The following SLC12A4 variants were observed in gnomAD, a reference collection of about 807,000 sequenced individuals.
SLC12A4 encodes electroneutral potassium-chloride cotransporter 1.
SLC12A4 carries 84 observed loss-of-function variants against 119.2 expected under a neutral mutation model. The observed-to-expected ratio is 0.70, with a 90% confidence interval of 0.59 to 0.85. The LOEUF is 0.85. Ranked by LOEUF, SLC12A4 falls within the 40% of genes least tolerant of loss-of-function variation. SLC12A4 has a pLI of 0.00. For synonymous variants in SLC12A4, 599 were observed against 604.6 expected (o/e 0.99, Z 0.14); for missense variants, 1,298 against 1,476.3 (o/e 0.88, Z 1.98).
chr16:67,958,998 T>A (rs2151335260), intron 3 of SLC12A4, among the ~76,000 whole-genome samples: 1 of 152,214 alleles, frequency 6.6e-6, no homozygotes, highest in East Asian at 1.9e-4. Flanking sequence ...GCTTGGCTTG[T>A]TTATGGTTCT....
At position 67,950,735 on chromosome 16, in the gene SLC12A4, C is replaced by T. The variant is rs200408868; in HGVS notation, c.1397-24G>A. 1.9e-5 allele frequency: 31 copies of T among 1,591,772 alleles called. No homozygotes were observed. The highest frequency in any genetic ancestry group is 1.4e-4 in the East Asian group (6 of 43,074). ...GTCTGCGGCGGCGTCAAGGAAAACT[C>T]GGCCTCTGCCACCCCACTGTCCCTG... On this transcript the variant is annotated intron_variant, in intron 10 of 23. Coordinates refer to ENST00000316341, the MANE Select transcript of SLC12A4 (RefSeq NM_005072.5). This position sits in a 1 kb window ranked among gnomAD's most constrained non-coding sequence, Gnocchi z 4.3.
Position 67,951,684 on chromosome 16 carries a change from G to C in SLC12A4, c.1132+139C>G. The C allele has an allele frequency of 1.3e-6, 1 of 790,546 alleles. No homozygotes were observed. The highest frequency in any genetic ancestry group is 1.8e-5 in the South Asian group (1 of 57,104). 49.0% of individuals were successfully genotyped at this position (790,546 alleles called of 1,614,324 possible). A position where few individuals can be genotyped will look rare whatever the true frequency, so the allele number is the denominator to read the frequency against. On this transcript the variant is annotated intron_variant, in intron 8 of 23. Transcript: ENST00000316341. This position sits in a 1 kb window ranked among gnomAD's most constrained non-coding sequence, Gnocchi z 5.2. ...TCCAAACTCGGCTGCCAGGAGCCAG[G>C]CTGGGAGGACACTGGGGGGCTGGGA...
rs774333955 is a variant in SLC12A4 at position 67,943,962 on chromosome 16, C to T, written c.*878G>A. The stretch of plus-strand genomic sequence containing the variant: ...TGGGGGCTTACCGAGGATGACGGGC[C>T]GTGTGTGGTTACTGAGCTCAGCCTT... On this transcript the variant is annotated 3_prime_UTR_variant, in exon 24 of 24. Coordinates refer to ENST00000316341, the MANE Select transcript of SLC12A4 (RefSeq NM_005072.5). The surrounding 1 kb of genome is among the most constrained non-coding windows in gnomAD (Gnocchi z 4.6). 7.8e-6 allele frequency: 12 copies of T among 1,547,130 alleles called. No homozygotes were observed. The highest frequency in any genetic ancestry group is 6.0e-5 in the South Asian group (5 of 83,722).
At position 67,954,667 on chromosome 16, in the gene SLC12A4, G is replaced by T; in HGVS notation, c.651C>A (p.Ile217=). 1 of 1,614,214 alleles carries T rather than the reference G, an allele frequency of 6.2e-7. No homozygotes were observed. Among genetic ancestry groups the T allele is most frequent in the Non-Finnish European group, 8.5e-7 (1 of 1,180,028 alleles). ...LGTTFAAAMY[I]LGAIEILLTY... ...CCAGCAAGATCTCGATGGCCCCCAG[G>T]ATGTACATGGCTGCTGCGAATGTTG... The change falls in exon 6 of 24, where the codon ATC becomes ATA. Residue 217 remains isoleucine, a synonymous_variant. Transcript: ENST00000316341.
rs2151323491 is a variant in SLC12A4 at position 67,945,411 on chromosome 16, C to T, written c.2990G>A (p.Ser997Asn). The T allele has an allele frequency of 6.2e-7, 1 of 1,614,018 alleles. No homozygotes were observed. ...DKYMTETWDP[S>N]HAPDNFRELV... ...CTCCCGGAAATTGTCAGGGGCATGG[C>T]TGGGGTCCCAGGTCTCAGTCATGTA... The change falls in exon 22 of 24, where the codon AGC becomes AAC. Residue 997 changes from serine (S) to asparagine (N), a missense_variant. Coordinates refer to ENST00000316341, the MANE Select transcript of SLC12A4 (RefSeq NM_005072.5).
Position 67,945,944 on chromosome 16 carries a change from G to A in SLC12A4, c.2739+7C>T. ...TCCACGGGGCCAGGGCAGGGCAGAG[G>A]GCTCACCATCTCCACCACCTCCACC... On this transcript the variant is annotated splice_region_variant and intron_variant, in intron 20 of 23. Transcript: ENST00000316341. 2 of 1,613,294 alleles carry A rather than the reference G, an allele frequency of 1.2e-6. No individual in the cohort carries two copies. Among genetic ancestry groups the A allele is most frequent in the African/African-American group, 1.3e-5 (1 of 75,044 alleles).
chr16:67,947,449 C>T lies in SLC12A4; in HGVS notation c.1968-14G>A, dbSNP rs1380722056. On this transcript the variant is annotated splice_polypyrimidine_tract_variant and intron_variant, in intron 15 of 23. Transcript: ENST00000316341. ...TCCTTCTCAGCCCTGCAGATTCCAC[C>T]ACAGCTGGTGAGCCCCTGGTGCCGC... is the stretch of plus-strand genomic sequence containing the variant. The T allele has an allele frequency of 1.2e-6, 2 of 1,609,312 alleles. No homozygotes were observed. The highest frequency in any genetic ancestry group is 1.7e-6 in the Non-Finnish European group (2 of 1,178,016).
Position 67,957,754 on chromosome 16 carries a change from C to G in SLC12A4, c.532G>C (p.Gly178Arg). Residue 178 changes from glycine to arginine, a missense_variant, in exon 5 of 24, where the codon GGT becomes CGT. By Grantham distance (125) the Gly-to-Arg change is moderately radical. Transcript: ENST00000316341. Reference sequence around the variant, plus strand: ...GGCGCTCACTGACCTGGAACCACACCGTTGGTGGCGATGGCACTCATGGAG... The same window carrying G: ...GGCGCTCACTGACCTGGAACCACACGGTTGGTGGCGATGGCACTCATGGAG... ...AISMSAIATN[G>R]VVPAGGSYFM... 6.2e-7 allele frequency: 1 copy of G among 1,613,506 alleles called. No individual in the cohort carries two copies.
chr16:67,946,705 T>G, intron 17 of SLC12A4, 72 bp from the exon 18 acceptor site: 1 of 1,523,446 alleles, frequency 6.6e-7, no homozygotes, highest in Non-Finnish European at 8.9e-7. Context: ...CCAAGGCCCC[T>G]CGGGAACAAA....
At position 67,953,059 on chromosome 16, in the gene SLC12A4, C is replaced by T. The variant is rs180731814; in HGVS notation, c.676-634G>A. On this transcript the variant is annotated intron_variant, in intron 6 of 23. Coordinates refer to ENST00000316341, the MANE Select transcript of SLC12A4 (RefSeq NM_005072.5). ...GTTGCAGTGAGTAGAGACCACACCA[C>T]GGCACTCCAGTCTGGGTGACAGAGT... Among the ~76,000 whole-genome samples the T allele has an allele frequency of 3.4e-4, 51 of 151,672 alleles. No individual in the cohort carries two copies. The East Asian group carries it at 6.4e-3, about 19-fold the overall frequency.
At chr16:67,947,606 C>T (rs1337358737) in intron 15 of SLC12A4, 63 bp downstream of exon 15, 3 of 1,552,886 alleles carry the variant, frequency 1.9e-6, no homozygotes, top group Non-Finnish European at 2.6e-6. Context: ...CAATGCCAGA[C>T]CACCCTGCCT....
In SLC12A4 at chr16:67,950,966, G is replaced by A. The variant is rs778878654; in HGVS notation, c.1392C>T (p.Leu464=). 1.2e-5 allele frequency: 19 copies of A among 1,613,484 alleles called. No homozygotes were observed. The highest frequency in any genetic ancestry group is 1.6e-4 in the Middle Eastern group (1 of 6,084). ...GTILAIITTS[L]VYFSSVVLFG... The stretch of plus-strand genomic sequence containing the variant: ...CCCAGGCCTGGGAAAGGATACACAC[G>A]AGGGAAGTTGTAATGATGGCCAGAA... Residue 464 remains leucine, a synonymous_variant, in exon 10 of 24, where the codon CTC becomes CTT. Coordinates refer to ENST00000316341, the MANE Select transcript of SLC12A4 (RefSeq NM_005072.5). This position sits in a 1 kb window ranked among gnomAD's most constrained non-coding sequence, Gnocchi z 4.3.
intron 2 of SLC12A4, 58 bp from the exon 3 acceptor site, chr16:67,961,764 G>C: frequency 1.2e-6 from 2 of 1,603,476 alleles, no homozygotes; most frequent in Non-Finnish European, 1.7e-6. Flanking sequence ...CAGCTGTGTG[G>C]AGCCAGCTGC....
At chr16:67,958,136 A>G in intron 3 of SLC12A4, 92 bp from the exon 4 acceptor site, 1 of 1,431,892 alleles carries the variant, frequency 7.0e-7, no homozygotes, top group East Asian at 2.4e-5. Context: ...CCCCTCCCCC[A>G]GTGGGGCCCC....
Position 67,964,027 on chromosome 16 carries a change from T to C in SLC12A4, c.116-468A>G, listed in dbSNP as rs749640383. 7.1e-6 allele frequency: 11 copies of C among 1,550,920 alleles called. No individual in the cohort carries two copies. In the African/African-American group the frequency reaches 1.5e-4, roughly 21 times the overall value. On this transcript the variant is annotated intron_variant, in intron 1 of 23. Coordinates refer to ENST00000316341, the MANE Select transcript of SLC12A4 (RefSeq NM_005072.5). ...CCGCACACAGCACCTTCGGCTGCCATGGCCCAAAGGTGGCCGGCTGGCTAC... is the reference window on the plus strand; with the variant it reads ...CCGCACACAGCACCTTCGGCTGCCACGGCCCAAAGGTGGCCGGCTGGCTAC...
At chr16:67,948,992 G>A (rs1021090303) in intron 13 of SLC12A4, among the ~76,000 whole-genome samples, 3 of 152,286 alleles carry the variant, frequency 2.0e-5, no homozygotes, top group South Asian at 2.1e-4. Context: ...AAGAAGGAGC[G>A]TCAGCCACGG....
intron 23 of SLC12A4, 23 bp downstream of exon 23, chr16:67,945,064 C>T (rs2058325249): frequency 1.3e-6 from 2 of 1,576,128 alleles, no homozygotes; most frequent in Admixed American, 1.8e-5. Context: ...CTCCCAACTG[C>T]CTGCCTCTCC....
rs370981199 is a variant in SLC12A4, at chr16:67,957,918, C to T, written c.469G>A (p.Val157Met). ...CTCACACAACAGCAGCAGATAAGCA[C>T]GATGAGGAGGGCCTGTAGCACACCT... ...TAGVLQALLI[V>M]LICCCCTLLT... is the part of the protein sequence containing the mutation. The change falls in exon 4 of 24, where the codon GTG becomes ATG. Residue 157 changes from valine (V) to methionine (M), a missense_variant. Coordinates refer to ENST00000316341, the MANE Select transcript of SLC12A4 (RefSeq NM_005072.5). The T allele has an allele frequency of 3.0e-5, 48 of 1,614,046 alleles. No homozygotes were observed. The highest frequency in any genetic ancestry group is 6.6e-5 in the South Asian group (6 of 91,086).
chr16:67,962,632 G>A (rs2030642444), intron 2 of SLC12A4: 1 of 152,252 alleles, frequency 6.6e-6, no homozygotes, highest in African/African-American at 2.4e-5. Context: ...CTAGAAGTCA[G>A]GAGTTCAAGA....
Sources: gnomAD v4.1 joint callset for allele counts (sites outside exome capture counted in the v4.1 genomes callset) on GRCh38, gnomAD v4.1.1 for gene constraint, Gnocchi (gnomAD v3.1) non-coding constraint, MANE v1.5 for transcripts, NCBI Gene and HGNC (gene_info 2026-07-23, HGNC 2026-07-21) for gene names.